The following AGBL4 variants were observed in gnomAD, a reference collection of about 807,000 sequenced individuals.
The protein encoded by AGBL4 is cytosolic carboxypeptidase 6.
A neutral mutation model predicts 66.4 loss-of-function variants in AGBL4; 58 were observed. The observed-to-expected ratio is 0.87, with a 90% confidence interval of 0.71 to 1.09. The LOEUF (loss-of-function observed/expected upper bound fraction) is 1.09, where lower values mean the gene tolerates loss of function less well. Ranked by LOEUF, AGBL4 falls within the 50% of genes least tolerant of loss-of-function variation. AGBL4 has a pLI of 0.00. For missense variants in AGBL4, 579 were observed against 631.0 expected (o/e 0.92, Z 0.88); for synonymous variants, 234 against 222.9 (o/e 1.05, Z -0.44).
At chr1:49,445,561 C>CT (rs1322922457) in intron 3 of AGBL4, among the ~76,000 whole-genome samples, 4 of 151,350 alleles carry the variant, frequency 2.6e-5, no homozygotes, top group Non-Finnish European at 5.9e-5. Flanking sequence ...TTTCTTTTTT[C>CT]TTTTTACTTT....
At chr1:48,845,914 A>G (rs987103168) in intron 6 of AGBL4, among the ~76,000 whole-genome samples, 8 of 152,220 alleles carry the variant, frequency 5.3e-5, no homozygotes, top group African/African-American at 1.9e-4. Flanking sequence ...AGTACTTAGA[A>G]CAGTGCCTGG....
intron 3 of AGBL4, among the ~76,000 whole-genome samples, chr1:49,401,735 A>C (rs1226782740): frequency 6.6e-6 from 1 of 152,076 alleles, no homozygotes; most frequent in Non-Finnish European, 1.5e-5. Flanking sequence ...TATTTTTCAG[A>C]ACAGATTGAG....
chr1:49,648,786 A>C (rs1342684050), intron 3 of AGBL4, among the ~76,000 whole-genome samples: 6 of 152,094 alleles, frequency 3.9e-5, no homozygotes, highest in Middle Eastern at 6.8e-3. Flanking sequence ...GAGGAAAAAT[A>C]CTTTCTCAAA....
At position 49,671,318 on chromosome 1, in the gene AGBL4, T is replaced by C. The variant is rs571411340; in HGVS notation, c.282+25995A>G. ...GAAGCTAGACCCCTTCCTTACACTATATACAAAAATCAACTTGAGATGCAT... is the reference window on the plus strand; with the variant it reads ...GAAGCTAGACCCCTTCCTTACACTACATACAAAAATCAACTTGAGATGCAT... On this transcript the variant is annotated intron_variant, in intron 3 of 13. Transcript: ENST00000371839. Among the ~76,000 whole-genome samples, 4 of 152,240 alleles carry C rather than the reference T, an allele frequency of 2.6e-5. 1 individual carries two copies. The highest frequency in any genetic ancestry group is 6.5e-5 in the Admixed American group (1 of 15,290).
At chr1:48,690,340 C>T (rs1002986325) in intron 6 of AGBL4, among the ~76,000 whole-genome samples, 15 of 151,990 alleles carry the variant, frequency 9.9e-5, no homozygotes, top group Non-Finnish European at 1.6e-4. Context: ...GGGTGGGGGG[C>T]GCAGAGACTC....
chr1:49,018,664 G>A (rs945151733), intron 5 of AGBL4, among the ~76,000 whole-genome samples: 2 of 151,994 alleles, frequency 1.3e-5, no homozygotes, highest in Non-Finnish European at 2.9e-5. Context: ...TACCCCTTTG[G>A]TGGCTCTATC....
intron 3 of AGBL4, among the ~76,000 whole-genome samples, chr1:49,581,477 TA>T (rs1259405931): frequency 6.6e-6 from 1 of 152,192 alleles, no homozygotes; most frequent in Non-Finnish European, 1.5e-5. Flanking sequence ...CTTATGTTTA[TA>T]TTTACTTTTG....
At chr1:49,182,550 A>C (rs1646947548) in intron 4 of AGBL4, among the ~76,000 whole-genome samples, 1 of 152,184 alleles carries the variant, frequency 6.6e-6, no homozygotes, top group Non-Finnish European at 1.5e-5. Context: ...TGGTTACTTC[A>C]ATTGATAGTA....
chr1:49,438,867 G>A (rs1400190003), intron 3 of AGBL4, among the ~76,000 whole-genome samples: 2 of 152,188 alleles, frequency 1.3e-5, no homozygotes, highest in East Asian at 1.9e-4. Context: ...TTCTGGAGAC[G>A]CAGAAGTCCA....
chr1:49,719,306 T>C (rs1286687129), intron 2 of AGBL4, among the ~76,000 whole-genome samples: 1 of 152,190 alleles, frequency 6.6e-6, no homozygotes, highest in Non-Finnish European at 1.5e-5. Flanking sequence ...ATAACTGGAC[T>C]TGCTGGGTAG....
intron 2 of AGBL4, among the ~76,000 whole-genome samples, chr1:49,704,184 T>G (rs1647157096): frequency 6.6e-6 from 1 of 152,068 alleles, no homozygotes; most frequent in Non-Finnish European, 1.5e-5. Context: ...CATTCTACAT[T>G]GTACGCAAAA....
At chr1:49,440,266 C>T (rs560177189) in intron 3 of AGBL4, among the ~76,000 whole-genome samples, 69 of 152,092 alleles carry the variant, frequency 4.5e-4, no homozygotes, top group African/African-American at 1.2e-3. Flanking sequence ...GACAGGGTTT[C>T]ACTGTGTTAG....
intron 4 of AGBL4, among the ~76,000 whole-genome samples, chr1:49,115,769 C>T (rs950975280): frequency 6.6e-6 from 1 of 152,198 alleles, no homozygotes; most frequent in South Asian, 2.1e-4. Flanking sequence ...ATACAAATCC[C>T]CCCCCATTTT....
At chr1:49,720,849 T>A (rs188567039) in intron 2 of AGBL4, among the ~76,000 whole-genome samples, 1 of 152,206 alleles carries the variant, frequency 6.6e-6, no homozygotes, top group Admixed American at 6.5e-5. Context: ...TTGCAAGACT[T>A]GCAAAGAGTT....
intron 1 of AGBL4, among the ~76,000 whole-genome samples, chr1:49,958,875 TA>T (rs1656878442): frequency 1.3e-5 from 2 of 151,336 alleles, no homozygotes; most frequent in East Asian, 3.9e-4. Context: ...AAAAGAAAAT[TA>T]AAGCCGATCA....
At chr1:48,992,963 G>T (rs757204161) in intron 5 of AGBL4, among the ~76,000 whole-genome samples, 1 of 152,092 alleles carries the variant, frequency 6.6e-6, no homozygotes, top group Non-Finnish European at 1.5e-5. Flanking sequence ...GCTCCTGCTT[G>T]GTTCTCTACC....
intron 4 of AGBL4, among the ~76,000 whole-genome samples, chr1:49,188,267 C>G (rs1014514162): frequency 1.3e-5 from 2 of 152,110 alleles, no homozygotes; most frequent in African/African-American, 4.8e-5. Flanking sequence ...GAAAGGGACT[C>G]TCCTGGGCGT....
intron 6 of AGBL4, among the ~76,000 whole-genome samples, chr1:48,750,951 T>C (rs973320235): frequency 6.6e-6 from 1 of 152,208 alleles, no homozygotes; most frequent in African/African-American, 2.4e-5. Flanking sequence ...GGCCAGCCTC[T>C]GGGACCTGCT....
At chr1:49,936,910 G>A (rs1264658314) in intron 1 of AGBL4, among the ~76,000 whole-genome samples, 1 of 152,140 alleles carries the variant, frequency 6.6e-6, no homozygotes, top group Non-Finnish European at 1.5e-5. Flanking sequence ...GACCATCGAG[G>A]CTAGGAAGAA....
Sources: allele counts gnomAD v4.1 joint callset (sites outside exome capture counted in the v4.1 genomes callset), GRCh38; gene constraint gnomAD v4.1.1; transcripts MANE v1.5; gene names NCBI Gene and HGNC (gene_info 2026-07-23, HGNC 2026-07-21).